Variants in FHOD3 observed in about 807,000 individuals in gnomAD.
The protein encoded by FHOD3 is formin homology 2 domain containing 3, also known as FH1/FH2 domain-containing protein 3.
Under a neutral mutation model 173.0 loss-of-function variants are expected in FHOD3, and 90 were observed. The ratio of observed to expected loss-of-function variants is 0.52; its 90% CI spans 0.44 to 0.62. The LOEUF is 0.62. FHOD3 is among the 20% of genes least tolerant of loss of function. FHOD3 has a pLI of 0.00. For missense variants in FHOD3, 1,945 were observed against 2,034.7 expected, an observed-to-expected ratio of 0.96 and a Z score of 0.85; for synonymous variants, 828 against 823.0, an observed-to-expected ratio of 1.01 and a Z score of -0.10.
At chr18:36,533,956 A>G (rs960923627) in intron 5 of FHOD3, among the ~76,000 whole-genome samples, 4 of 152,194 alleles carry the variant, frequency 2.6e-5, no homozygotes, top group Non-Finnish European at 4.4e-5. Context: ...CTAACTTCCC[A>G]TCCATGGCTC....
At chr18:36,464,808 T>C (rs1056132872) in intron 3 of FHOD3, among the ~76,000 whole-genome samples, 1 of 151,838 alleles carries the variant, frequency 6.6e-6, no homozygotes. Context: ...AGACTCATCT[T>C]TCAGCACTCT....
intron 1 of FHOD3, among the ~76,000 whole-genome samples, chr18:36,336,077 T>C (rs928924282): frequency 2.6e-5 from 4 of 152,112 alleles, no homozygotes; most frequent in Non-Finnish European, 5.9e-5. Flanking sequence ...CATCAACATC[T>C]GGGAAGGATT....
intron 21 of FHOD3, among the ~76,000 whole-genome samples, chr18:36,741,076 G>C (rs2150044941): frequency 6.6e-6 from 1 of 152,230 alleles, no homozygotes; most frequent in African/African-American, 2.4e-5. Flanking sequence ...CCAGGTCACT[G>C]ATTACAAAAC....
intron 2 of FHOD3, among the ~76,000 whole-genome samples, chr18:36,358,101 A>G (rs2046446593): frequency 1.3e-5 from 2 of 152,198 alleles, no homozygotes; most frequent in African/African-American, 4.8e-5. Context: ...GAGACAACCA[A>G]GGGTCAGAAG....
At chr18:36,564,512 C>T (rs533601268) in intron 5 of FHOD3, among the ~76,000 whole-genome samples, 8 of 152,218 alleles carry the variant, frequency 5.3e-5, no homozygotes, top group African/African-American at 1.2e-4. Flanking sequence ...GATGAGGGCT[C>T]CTTTTAAATC....
intron 7 of FHOD3, among the ~76,000 whole-genome samples, chr18:36,598,796 G>A (rs187776679): frequency 8.3e-4 from 127 of 152,206 alleles, no homozygotes; most frequent in Non-Finnish European, 1.4e-3. Context: ...TGATCCACCC[G>A]CCTCGGCCTC....
At chr18:36,387,141 G>A (rs1295075699) in intron 3 of FHOD3, among the ~76,000 whole-genome samples, 1 of 152,188 alleles carries the variant, frequency 6.6e-6, no homozygotes, top group African/African-American at 2.4e-5. Flanking sequence ...CAGGGGCCCA[G>A]ACTGTGGGCA....
intron 1 of FHOD3, among the ~76,000 whole-genome samples, chr18:36,302,400 C>T (rs529084644): frequency 1.3e-5 from 2 of 152,304 alleles, no homozygotes; most frequent in South Asian, 2.1e-4. Context: ...CCCCTCCCCC[C>T]CGACCTGCTG....
intron 3 of FHOD3, among the ~76,000 whole-genome samples, chr18:36,494,542 C>T (rs1194284863): frequency 6.6e-6 from 1 of 152,112 alleles, no homozygotes; most frequent in Non-Finnish European, 1.5e-5. Flanking sequence ...AGAAAAAATG[C>T]ATATGTTTCT....
At chr18:36,462,928 A>G (rs2052649506) in intron 3 of FHOD3, among the ~76,000 whole-genome samples, 1 of 152,208 alleles carries the variant, frequency 6.6e-6, no homozygotes, top group East Asian at 1.9e-4. Flanking sequence ...CTATGTACCC[A>G]ACCCACTTAT....
At chr18:36,661,022 A>G (rs2036759758) in intron 14 of FHOD3, among the ~76,000 whole-genome samples, 2 of 152,206 alleles carry the variant, frequency 1.3e-5, no homozygotes, top group Non-Finnish European at 2.9e-5. Flanking sequence ...GAAAAAACAT[A>G]TGATGAATCA....
chr18:36,480,944 T>C (rs1187410821), intron 3 of FHOD3, among the ~76,000 whole-genome samples: 1 of 148,134 alleles, frequency 6.8e-6, no homozygotes, highest in Non-Finnish European at 1.5e-5. Context: ...ATTCATGTTC[T>C]CTGGAAACTC....
At position 36,576,445 on chromosome 18, in the gene FHOD3, C is replaced by A. The variant is rs752780105; in HGVS notation, c.512-6C>A. 11 of 1,606,244 alleles carry A rather than the reference C, an allele frequency of 6.8e-6. No homozygotes were observed. The highest frequency in any genetic ancestry group is 9.4e-6 in the Non-Finnish European group (11 of 1,176,176). On this transcript the variant is annotated splice_region_variant and splice_polypyrimidine_tract_variant and intron_variant, in intron 5 of 28. Coordinates refer to ENST00000590592, the MANE Select transcript of FHOD3 (RefSeq NM_001281740.3). ...TAATGTCTCCTTTTTCTCTTGTTTT[C>A]TGTAGCTTTGGGCCAGATTATGTTG...
At chr18:36,557,801 A>T (rs1325331966) in intron 5 of FHOD3, among the ~76,000 whole-genome samples, 3 of 152,020 alleles carry the variant, frequency 2.0e-5, no homozygotes, top group Admixed American at 2.0e-4. Flanking sequence ...TTGCATGCTG[A>T]TATTTTTGTA....
In FHOD3 at chr18:36,742,730, C is replaced by T. The variant is rs769496257; in HGVS notation, c.3760-7C>T. On this transcript the variant is annotated splice_polypyrimidine_tract_variant and splice_region_variant and intron_variant, in intron 21 of 28. Transcript: ENST00000590592. Reference sequence around the variant, plus strand: ...TCTTTATTGTCTAATTTTTTTTTAACTGAAAGGAAGTAGCAGAACCACTCC... The same window carrying T: ...TCTTTATTGTCTAATTTTTTTTTAATTGAAAGGAAGTAGCAGAACCACTCC... 3.1e-6 allele frequency: 5 copies of T among 1,596,042 alleles called. No individual in the cohort carries two copies. The East Asian group carries it at 1.1e-4, about 36-fold the overall frequency.
At chr18:36,592,411 T>C (rs2059252460) in intron 6 of FHOD3, among the ~76,000 whole-genome samples, 1 of 152,216 alleles carries the variant, frequency 6.6e-6, no homozygotes, top group African/African-American at 2.4e-5. Context: ...ATGGATGAAC[T>C]CTGCTGTGTG....
intron 3 of FHOD3, among the ~76,000 whole-genome samples, chr18:36,455,042 C>G (rs146139409): frequency 2.6e-4 from 40 of 152,286 alleles, no homozygotes; most frequent in African/African-American, 9.1e-4. Context: ...ACAGAACAAA[C>G]AAAGGCATAA....
chr18:36,343,229 A>G (rs1214918377), intron 1 of FHOD3, among the ~76,000 whole-genome samples: 1 of 152,372 alleles, frequency 6.6e-6, no homozygotes, highest in East Asian at 1.9e-4. Flanking sequence ...AGTATTATTC[A>G]TAGTAGCCAA....
chr18:36,678,906 T>G (rs1227854885), intron 14 of FHOD3, among the ~76,000 whole-genome samples: 1 of 150,252 alleles, frequency 6.7e-6, no homozygotes, highest in Non-Finnish European at 1.5e-5. Flanking sequence ...TTATCTGGCT[T>G]TAGTGTCAGA....
Sources: gnomAD v4.1 joint callset for allele counts (sites outside exome capture counted in the v4.1 genomes callset) on GRCh38, gnomAD v4.1.1 for gene constraint, MANE v1.5 for transcripts, NCBI Gene and HGNC (gene_info 2026-07-23, HGNC 2026-07-21) for gene names.